PDSS1: variants seen among roughly 807,000 people sequenced by gnomAD.
PDSS1 encodes the protein decaprenyl diphosphate synthase subunit 1.
Under a neutral mutation model 57.5 loss-of-function variants are expected in PDSS1, and 43 were observed. The observed-to-expected ratio is 0.75, with a 90% CI of 0.59 to 0.96. PDSS1 has a LOEUF of 0.96. PDSS1 is among the 50% of genes least tolerant of loss of function. The probability of loss-of-function intolerance (pLI) is 0.00; values close to 1 mark genes in which losing one functional copy is unlikely to be tolerated. For missense variants in PDSS1, 438 were observed against 527.8 expected, an observed-to-expected ratio of 0.83 and a Z score of 1.67; for synonymous variants, 175 against 191.3, an observed-to-expected ratio of 0.91 and a Z score of 0.70.
intron 11 of PDSS1, among the ~76,000 whole-genome samples, chr10:26,743,780 C>G (rs1296329008): frequency 6.6e-6 from 1 of 152,156 alleles, no homozygotes; most frequent in African/African-American, 2.4e-5. Context: ...AATTCTAGCT[C>G]CCTGTTCACC....
chr10:26,735,196 G>A (rs1836349556), intron 8 of PDSS1, 44 bp from the exon 9 acceptor site: 3 of 1,412,890 alleles, frequency 2.1e-6, no homozygotes, highest in East Asian at 2.3e-5. Context: ...CTGCTTTGTT[G>A]CTGCCTGGAA....
At position 26,712,151 on chromosome 10, in the gene PDSS1, G is replaced by A. The variant is rs1466796653; in HGVS notation, c.467+2383G>A. Among the ~76,000 whole-genome samples the A allele has an allele frequency of 1.3e-4, 12 of 95,968 alleles. 5 individuals are homozygous for A. Among genetic ancestry groups the A allele is most frequent in the South Asian group, 2.8e-4 (1 of 3,612 alleles). The allele number at this position is 95,968 out of a possible 152,430, so 63.0% of individuals were successfully genotyped here. A position where few individuals can be genotyped will look rare whatever the true frequency, so the allele number is the denominator to read the frequency against. On this transcript the variant is annotated intron_variant, in intron 5 of 11. Coordinates refer to ENST00000376215, the MANE Select transcript of PDSS1 (RefSeq NM_014317.5). ...CAAGTAGCTGGGATTACAGATGCAC[G>A]CTACCACGCCCAGCCAATTTTGTGT...
At chr10:26,704,319 C>G (rs1835143330) in intron 2 of PDSS1, among the ~76,000 whole-genome samples, 1 of 151,928 alleles carries the variant, frequency 6.6e-6, no homozygotes, top group South Asian at 2.1e-4. Flanking sequence ...AAATTCCTTC[C>G]TTGCTATTGA....
Position 26,724,020 on chromosome 10 carries a change from T to C in PDSS1, c.728T>C (p.Phe243Ser), listed in dbSNP as rs1333948383. Reference sequence around the variant, plus strand: ...CTCCTTTCCTTCTTTATAGGTGAATTTCTTCAGCTCGGGTCAAAAGAAAAT... The same window carrying C: ...CTCCTTTCCTTCTTTATAGGTGAATCTCTTCAGCTCGGGTCAAAAGAAAAT... ...QVIEDLVRGE[F>S]LQLGSKENEN... Residue 243 changes from phenylalanine (F) to serine (S), a missense_variant, in exon 8 of 12, where the codon TTT becomes TCT. Physicochemically the swap from Phe to Ser is radical, Grantham distance 155 (BLOSUM62 -2). Transcript: ENST00000376215. The C allele has an allele frequency of 6.2e-7, 1 of 1,613,486 alleles. No homozygotes were observed. Among genetic ancestry groups the C allele is most frequent in the Middle Eastern group, 1.7e-4 (1 of 6,060 alleles).
intron 10 of PDSS1, chr10:26,740,772 G>A: frequency 2.3e-6 from 1 of 444,322 alleles, no homozygotes; most frequent in South Asian, 1.6e-5. Flanking sequence ...AAGATGAGAA[G>A]CCTAAGACCC....
chr10:26,717,175 T>G (rs900161043), intron 5 of PDSS1, among the ~76,000 whole-genome samples: 3 of 152,234 alleles, frequency 2.0e-5, no homozygotes, highest in Admixed American at 1.3e-4. Context: ...ACATTTCAGT[T>G]TCATCCTGAT....
chr10:26,705,168 T>G, intron 3 of PDSS1, 118 bp from the exon 4 acceptor site: 1 of 698,202 alleles, frequency 1.4e-6, no homozygotes, highest in South Asian at 1.6e-5. Flanking sequence ...CCTTTTCAGA[T>G]TCATGATTAA....
chr10:26,741,625 G>C (rs988982205), intron 10 of PDSS1, among the ~76,000 whole-genome samples: 5 of 152,218 alleles, frequency 3.3e-5, no homozygotes, highest in Non-Finnish European at 7.3e-5. Context: ...CCTCTGCTCA[G>C]AAACCTCAGT....
intron 5 of PDSS1, among the ~76,000 whole-genome samples, chr10:26,713,241 G>A (rs1022857674): frequency 3.4e-5 from 5 of 147,902 alleles, no homozygotes; most frequent in Non-Finnish European, 6.0e-5. Flanking sequence ...GCAGTGAGCC[G>A]AGATCACGCC....
rs116519932 is a variant in PDSS1, at chr10:26,698,073, C to T, written c.129+233C>T. 0.034 allele frequency among the ~76,000 whole-genome samples: 5,164 copies of T among 151,486 alleles called. 255 individuals carry two copies. Among genetic ancestry groups the T allele is most frequent in the African/African-American group, 0.11 (4,708 of 41,210 alleles). ...TACACGGGGTTGCAGAAAGCGGTGT[C>T]CTGGGGACCCCGGGAGCGTTTTGGG... On this transcript the variant is annotated intron_variant, in intron 1 of 11. Transcript: ENST00000376215.
Position 26,713,717 on chromosome 10 carries a change from G to A in PDSS1, c.467+3949G>A, listed in dbSNP as rs138328481. Among the ~76,000 whole-genome samples, 361 of 152,288 alleles carry A rather than the reference G, an allele frequency of 2.4e-3. 1 individual carries two copies. The highest frequency in any genetic ancestry group is 8.4e-3 in the African/African-American group (351 of 41,556). ...AGGAATCCACACAACAGTAGACTCA[G>A]ACTTGACATGTCCAGAACACAGAGT... is the stretch of plus-strand genomic sequence containing the variant. On this transcript the variant is annotated intron_variant, in intron 5 of 11. Coordinates refer to ENST00000376215, the MANE Select transcript of PDSS1 (RefSeq NM_014317.5).
At chr10:26,733,955 C>T (rs1011894329) in intron 8 of PDSS1, among the ~76,000 whole-genome samples, 2 of 152,182 alleles carry the variant, frequency 1.3e-5, no homozygotes, top group Admixed American at 6.5e-5. Context: ...GCCTGGGCAA[C>T]AGAGTGAGAC....
chr10:26,714,733 T>TAGAA (rs1474714573), intron 5 of PDSS1: 1 of 152,228 alleles, frequency 6.6e-6, no homozygotes, highest in African/African-American at 2.4e-5. Flanking sequence ...AATTGTGCTG[T>TAGAA]ACAGAGATCT....
rs777085672 is a variant in PDSS1, at chr10:26,742,521, A to T, written c.1051A>T (p.Met351Leu). 1.9e-6 allele frequency: 3 copies of T among 1,612,332 alleles called. No individual in the cohort carries two copies. In the African/African-American group the frequency reaches 4.0e-5, roughly 22 times the overall value. The change falls in exon 11 of 12, where the codon ATG becomes TTG. Residue 351 changes from methionine (M) to leucine (L), a missense_variant. Met to Leu is a conservative substitution (Grantham distance 15, BLOSUM62 2). Transcript: ENST00000376215. ...QQFPEMNAMI[M>L]RRFSLPGDVD... ...GTTCCCAGAAATGAATGCTATGATC[A>T]TGCGACGGTTCAGTTTGCCTGGAGA...
At chr10:26,723,320 G>A (rs1180072186) in intron 6 of PDSS1, among the ~76,000 whole-genome samples, 1 of 152,182 alleles carries the variant, frequency 6.6e-6, no homozygotes, top group East Asian at 1.9e-4. Context: ...CACAAAGGAA[G>A]AATGAACATC....
At chr10:26,716,129 A>G (rs1835565904) in intron 5 of PDSS1, among the ~76,000 whole-genome samples, 2 of 152,200 alleles carry the variant, frequency 1.3e-5, no homozygotes, top group Non-Finnish European at 2.9e-5. Context: ...TAGAAGGTGA[A>G]TGAGCAGTGG....
chr10:26,706,826 A>C (rs1291878771), intron 4 of PDSS1, among the ~76,000 whole-genome samples: 1 of 152,192 alleles, frequency 6.6e-6, no homozygotes, highest in Non-Finnish European at 1.5e-5. Context: ...AAATTTGTAC[A>C]GGTCTGCAGC....
chr10:26,722,425 CT>C (rs1835818602), intron 6 of PDSS1, among the ~76,000 whole-genome samples: 1 of 152,130 alleles, frequency 6.6e-6, no homozygotes, highest in African/African-American at 2.4e-5. Flanking sequence ...ACACTTACGG[CT>C]GGGTGTGGTG....
At chr10:26,716,423 C>T (rs527701916) in intron 5 of PDSS1, among the ~76,000 whole-genome samples, 50 of 152,120 alleles carry the variant, frequency 3.3e-4, no homozygotes, top group African/African-American at 1.2e-3. Context: ...TGGCCGGGTG[C>T]GGTGGCTCAC....
Sources: gnomAD v4.1 joint callset for allele counts (sites outside exome capture counted in the v4.1 genomes callset) on GRCh38, gnomAD v4.1.1 for gene constraint, MANE v1.5 for transcripts, NCBI Gene and HGNC (gene_info 2026-07-23, HGNC 2026-07-21) for gene names.